The following SGCZ variants were observed in gnomAD, a reference collection of about 807,000 sequenced individuals.
The protein encoded by SGCZ is sarcoglycan zeta, also known as zeta-sarcoglycan.
Under a neutral mutation model 41.3 loss-of-function variants are expected in SGCZ, and 40 were observed. The ratio of observed to expected loss-of-function variants is 0.97; its 90% CI spans 0.75 to 1.26. The LOEUF (loss-of-function observed/expected upper bound fraction) is 1.26. Among genes scored for constraint, SGCZ ranks in the 50% most tolerant of loss-of-function variants. The pLI is 0.00. For missense variants in SGCZ, 552 were observed against 369.8 expected (o/e 1.49, Z -4.04); for synonymous variants, 206 against 137.5 (o/e 1.50, Z -3.49).
intron 2 of SGCZ, among the ~76,000 whole-genome samples, chr8:14,388,777 A>G (rs1439869425): frequency 1.3e-5 from 2 of 151,940 alleles, no homozygotes; most frequent in Non-Finnish European, 2.9e-5. Context: ...CAAGTTTACT[A>G]TGTAAAAAAC....
intron 2 of SGCZ, among the ~76,000 whole-genome samples, chr8:14,399,297 C>G (rs1403648221): frequency 2.0e-5 from 3 of 152,082 alleles, no homozygotes; most frequent in Non-Finnish European, 2.9e-5. Context: ...GCTTAGATGA[C>G]TAGTAAATCC....
rs967083856 is a variant in SGCZ at position 14,087,180 on chromosome 8, A to G, written c.*3263T>C. ...TATAAAACATATCATTCACAATAAA[A>G]TATATATATTTTAGACATAAATGTG... On this transcript the variant is annotated 3_prime_UTR_variant, in exon 8 of 8. Transcript: ENST00000382080. 2.0e-5 allele frequency among the ~76,000 whole-genome samples: 3 copies of G among 151,608 alleles called. No homozygotes were observed. Among genetic ancestry groups the G allele is most frequent in the African/African-American group, 7.2e-5 (3 of 41,388 alleles).
chr8:14,215,140 A>T (rs1170491349), intron 4 of SGCZ, among the ~76,000 whole-genome samples: 1 of 152,210 alleles, frequency 6.6e-6, no homozygotes, highest in African/African-American at 2.4e-5. Flanking sequence ...AAACAAGTTT[A>T]AATAGTTTAA....
At chr8:14,219,791 C>CA (rs1289096105) in intron 4 of SGCZ, among the ~76,000 whole-genome samples, 1 of 151,990 alleles carries the variant, frequency 6.6e-6, no homozygotes, top group Non-Finnish European at 1.5e-5. Context: ...AGTTTTGCCT[C>CA]ATTCACCATA....
chr8:14,501,981 T>C (rs1012010991), intron 2 of SGCZ, among the ~76,000 whole-genome samples: 1 of 152,098 alleles, frequency 6.6e-6, no homozygotes, highest in East Asian at 1.9e-4. Flanking sequence ...TCCATAATCA[T>C]TTGACAGGAT....
At chr8:14,405,059 C>T (rs1373215451) in intron 2 of SGCZ, among the ~76,000 whole-genome samples, 2 of 152,294 alleles carry the variant, frequency 1.3e-5, no homozygotes, top group East Asian at 3.9e-4. Context: ...CCATGTGGCC[C>T]TTGCTCCTGA....
At chr8:14,228,507 C>T (rs1806451463) in intron 4 of SGCZ, among the ~76,000 whole-genome samples, 2 of 152,002 alleles carry the variant, frequency 1.3e-5, no homozygotes, top group South Asian at 2.1e-4. Context: ...TTTGAATAAA[C>T]TTATATAATT....
At chr8:15,079,215 T>C (rs1228111142) in intron 1 of SGCZ, among the ~76,000 whole-genome samples, 2 of 152,228 alleles carry the variant, frequency 1.3e-5, no homozygotes, top group Non-Finnish European at 2.9e-5. Flanking sequence ...ACTACCAGTC[T>C]TTATTAAATT....
intron 1 of SGCZ, among the ~76,000 whole-genome samples, chr8:14,714,436 T>G (rs180679450): frequency 1.4e-4 from 21 of 152,180 alleles, no homozygotes; most frequent in African/African-American, 5.1e-4. Flanking sequence ...TCACACAACT[T>G]TAACTGGCAT....
intron 1 of SGCZ, among the ~76,000 whole-genome samples, chr8:14,586,504 C>G (rs377318802): frequency 6.5e-4 from 99 of 152,272 alleles, no homozygotes; most frequent in Middle Eastern, 6.8e-3. Flanking sequence ...TTAGCCACCA[C>G]GCCCAGCGCA....
At chr8:14,225,733 C>T (rs1487222368) in intron 4 of SGCZ, among the ~76,000 whole-genome samples, 6 of 151,864 alleles carry the variant, frequency 4.0e-5, no homozygotes, top group East Asian at 1.9e-4. Flanking sequence ...TAAAAACAGA[C>T]GAAGCCAACA....
chr8:14,842,462 G>A (rs931811058), intron 1 of SGCZ, among the ~76,000 whole-genome samples: 1 of 147,444 alleles, frequency 6.8e-6, no homozygotes, highest in Non-Finnish European at 1.5e-5. Context: ...AAAGGGAAAA[G>A]GAAAGAAGGA....
chr8:15,066,326 A>C (rs914548217), intron 1 of SGCZ, among the ~76,000 whole-genome samples: 1 of 151,802 alleles, frequency 6.6e-6, no homozygotes, highest in Non-Finnish European at 1.5e-5. Context: ...AAAAAAAAAA[A>C]AAAAAAAAGA....
chr8:14,573,783 G>A (rs1452500714), intron 1 of SGCZ, among the ~76,000 whole-genome samples: 1 of 152,090 alleles, frequency 6.6e-6, no homozygotes, highest in Non-Finnish European at 1.5e-5. Context: ...TGAATATGGG[G>A]AATCTTAGGA....
At position 14,804,510 on chromosome 8, in the gene SGCZ, G is replaced by A. The variant is rs1162702861; in HGVS notation, c.40-249584C>T. Among the ~76,000 whole-genome samples the A allele has an allele frequency of 4.7e-4, 59 of 126,092 alleles. 3 individuals are homozygous for A. Among genetic ancestry groups the A allele is most frequent in the Admixed American group, 1.2e-3 (14 of 11,354 alleles). The allele number at this position is 126,092 out of a possible 152,430, so 82.7% of individuals were successfully genotyped here. ...GAAGATGAAATGAATGAAATGAAGC[G>A]AGAAGGGAAGGTTAGAGAAAAAAGA... On this transcript the variant is annotated intron_variant, in intron 1 of 7. Transcript: ENST00000382080.
rs1180922737 is a variant in SGCZ at position 14,087,873 on chromosome 8, T to C, written c.*2570A>G. On this transcript the variant is annotated 3_prime_UTR_variant, in exon 8 of 8. Transcript: ENST00000382080. ...CTAGTCAGATAACTTAAAGCAATTATTTGGTGTTGAATAGGAAAGCCATCG... is the reference window on the plus strand; with the variant it reads ...CTAGTCAGATAACTTAAAGCAATTACTTGGTGTTGAATAGGAAAGCCATCG... Among the ~76,000 whole-genome samples the C allele has an allele frequency of 6.6e-6, 1 of 151,672 alleles. No individual in the cohort carries two copies. The highest frequency in any genetic ancestry group is 1.5e-5 in the Non-Finnish European group (1 of 67,770).
At chr8:14,120,626 A>T (rs1802669199) in intron 5 of SGCZ, among the ~76,000 whole-genome samples, 1 of 152,070 alleles carries the variant, frequency 6.6e-6, no homozygotes, top group African/African-American at 2.4e-5. Context: ...GGTTCACATA[A>T]AATATGGTTT....
At chr8:14,294,964 T>C (rs1800962983) in intron 3 of SGCZ, among the ~76,000 whole-genome samples, 1 of 152,176 alleles carries the variant, frequency 6.6e-6, no homozygotes, top group Admixed American at 6.6e-5. Flanking sequence ...ATACATTTAT[T>C]GCAATATGGC....
chr8:14,453,169 C>A (rs1284064512), intron 2 of SGCZ, among the ~76,000 whole-genome samples: 3 of 151,998 alleles, frequency 2.0e-5, no homozygotes, highest in Non-Finnish European at 4.4e-5. Flanking sequence ...ACATCCTGGA[C>A]ATGTATATAT....
Sources: allele counts gnomAD v4.1 joint callset (sites outside exome capture counted in the v4.1 genomes callset), GRCh38; gene constraint gnomAD v4.1.1; transcripts MANE v1.5; gene names NCBI Gene and HGNC (gene_info 2026-07-23, HGNC 2026-07-21).